The following ERGIC1 variants were observed in gnomAD, a reference collection of about 807,000 sequenced individuals.
The protein encoded by ERGIC1 is endoplasmic reticulum-golgi intermediate compartment 1.
A neutral mutation model predicts 38.3 loss-of-function variants in ERGIC1; 19 were observed. That is an observed-to-expected ratio of 0.50 (90% confidence interval 0.35 to 0.73). ERGIC1 has a LOEUF of 0.73. Among genes scored for constraint, ERGIC1 ranks in the 30% least tolerant of loss-of-function variants. The pLI, the probability that ERGIC1 is intolerant of heterozygous loss-of-function variation, is 0.01. For missense variants in ERGIC1, 294 were observed against 389.2 expected (o/e 0.76, Z 2.06); for synonymous variants, 124 against 157.6 (o/e 0.79, Z 1.60).
intron 1 of ERGIC1, among the ~76,000 whole-genome samples, chr5:172,835,686 A>G (rs954547428): frequency 6.6e-6 from 1 of 152,234 alleles, no homozygotes; most frequent in Admixed American, 6.5e-5. Flanking sequence ...TGACCCCCAT[A>G]GCATGGGATA....
chr5:172,950,780 G>A lies in ERGIC1; in HGVS notation c.837G>A (p.Glu279=). ...ILDSCIFTAS[E]AWKKIQLGKM... ...ACTCATGCATCTTCACAGCCTCTGAGGCCTGGAAGAAGATCCAGCTGGGCA... is the reference window on the plus strand; with the variant it reads ...ACTCATGCATCTTCACAGCCTCTGAAGCCTGGAAGAAGATCCAGCTGGGCA... The change falls in exon 10 of 10, where the codon GAG becomes GAA. Residue 279 remains glutamate, a synonymous_variant. Transcript: ENST00000393784. The A allele has an allele frequency of 1.9e-6, 3 of 1,612,604 alleles. No homozygotes were observed. The highest frequency in any genetic ancestry group is 2.5e-6 in the Non-Finnish European group (3 of 1,178,898).
At chr5:172,918,881 G>A (rs1448896101) in intron 5 of ERGIC1, among the ~76,000 whole-genome samples, 1 of 152,144 alleles carries the variant, frequency 6.6e-6, no homozygotes, top group Non-Finnish European at 1.5e-5. Context: ...CAGCTGATGT[G>A]GGTCCCTCAG....
intron 3 of ERGIC1, among the ~76,000 whole-genome samples, chr5:172,908,348 G>GGGGAGAGAGGGGA (rs1763105158): frequency 1.0e-5 from 1 of 99,390 alleles, no homozygotes; most frequent in Non-Finnish European, 2.1e-5. Flanking sequence ...GGGGGAGGGG[G>GGGGAGAGAGGGGA]GGGGTGGATC....
chr5:172,866,118 A>G (rs1057482128), intron 1 of ERGIC1, among the ~76,000 whole-genome samples: 4 of 152,208 alleles, frequency 2.6e-5, no homozygotes, highest in African/African-American at 4.8e-5. Context: ...GCCGAGTCCA[A>G]TTAAATTTTA....
At chr5:172,839,432 T>C (rs1184980149) in intron 1 of ERGIC1, among the ~76,000 whole-genome samples, 1 of 151,408 alleles carries the variant, frequency 6.6e-6, no homozygotes, top group Non-Finnish European at 1.5e-5. Flanking sequence ...GGTGTGGTGA[T>C]GTGCGTCTGT....
chr5:172,935,297 G>A lies in ERGIC1; in HGVS notation c.752G>A (p.Arg251Lys), dbSNP rs768679223. The change falls in exon 9 of 10, where the codon AGA becomes AAA. Residue 251 changes from arginine (R) to lysine (K), a missense_variant. Around this residue, in one of 3 missense-constraint regions of ERGIC1, gnomAD observed 109 missense variants for 112.7 expected, o/e 0.97. Transcript: ENST00000393784. ...ACAGAGAGACGGCAGCCGCTGTACAGATTCATCACCACGGTGAGTGGCCTG... is the reference window on the plus strand; with the variant it reads ...ACAGAGAGACGGCAGCCGCTGTACAAATTCATCACCACGGTGAGTGGCCTG... ...KYTERRQPLY[R>K]FITTICAIIG... The A allele has an allele frequency of 3.7e-6, 6 of 1,614,128 alleles. No individual in the cohort carries two copies. Among genetic ancestry groups the A allele is most frequent in the Non-Finnish European group, 5.1e-6 (6 of 1,180,038 alleles).
At chr5:172,892,698 C>T (rs1183375601) in intron 2 of ERGIC1, among the ~76,000 whole-genome samples, 3 of 152,172 alleles carry the variant, frequency 2.0e-5, no homozygotes, top group Non-Finnish European at 4.4e-5. Flanking sequence ...ATCAGAAGGC[C>T]TTTCTGGTTG....
At chr5:172,916,530 C>T (rs1265444287) in intron 5 of ERGIC1, 1 of 152,202 alleles carries the variant, frequency 6.6e-6, no homozygotes, top group African/African-American at 2.4e-5. Flanking sequence ...TAAATTAATT[C>T]AAATTAAATG....
chr5:172,948,025 C>T (rs1035735391), intron 9 of ERGIC1, among the ~76,000 whole-genome samples: 4 of 152,114 alleles, frequency 2.6e-5, no homozygotes, highest in Non-Finnish European at 4.4e-5. Context: ...TCCACTCTAC[C>T]GAAATAAACC....
At chr5:172,906,833 T>C (rs1214148847) in intron 3 of ERGIC1, among the ~76,000 whole-genome samples, 1 of 152,130 alleles carries the variant, frequency 6.6e-6, no homozygotes, top group Non-Finnish European at 1.5e-5. Context: ...TGGTTCCCTC[T>C]GGGTGGGGGG....
chr5:172,926,248 T>A lies in ERGIC1; in HGVS notation c.481-261T>A, dbSNP rs1455928025. ...TCTGTAAAATGGGCCCAATAATACA[T>A]CATTAGGGGCATGAAATGAAATTAT... is the stretch of plus-strand genomic sequence containing the variant. On this transcript the variant is annotated intron_variant, in intron 6 of 9. Coordinates refer to ENST00000393784, the MANE Select transcript of ERGIC1 (RefSeq NM_001031711.3). The surrounding 1 kb of genome is among the most constrained non-coding windows in gnomAD (Gnocchi z 5.2). Among the ~76,000 whole-genome samples the A allele has an allele frequency of 6.6e-6, 1 of 152,100 alleles. No individual in the cohort carries two copies. The highest frequency in any genetic ancestry group is 1.5e-5 in the Non-Finnish European group (1 of 68,016).
Position 172,926,669 on chromosome 5 carries a change from A to G in ERGIC1, c.541+100A>G. 3.8e-6 allele frequency: 5 copies of G among 1,319,142 alleles called. No homozygotes were observed. The highest frequency in any genetic ancestry group is 5.4e-6 in the Non-Finnish European group (5 of 929,446). The allele number at this position is 1,319,142 out of a possible 1,614,324, so 81.7% of individuals were successfully genotyped here. On this transcript the variant is annotated intron_variant, in intron 7 of 9. Transcript: ENST00000393784. The surrounding 1 kb of genome is among the most constrained non-coding windows in gnomAD (Gnocchi z 5.2). The stretch of plus-strand genomic sequence containing the variant: ...AGGTGGGGGTGCCTGTCCAGCACCC[A>G]CTCCAAGGCAGGGAGGCTGCTGCTC...
chr5:172,839,069 C>G (rs1302772275), intron 1 of ERGIC1, among the ~76,000 whole-genome samples: 1 of 151,186 alleles, frequency 6.6e-6, no homozygotes, highest in African/African-American at 2.4e-5. Flanking sequence ...GGTGAAACCC[C>G]GTCTCTAATA....
intron 2 of ERGIC1, among the ~76,000 whole-genome samples, chr5:172,890,033 T>C (rs940540559): frequency 4.6e-5 from 7 of 152,126 alleles, no homozygotes. Context: ...TTTCAAAGAA[T>C]AGAGAATGGG....
chr5:172,846,649 A>G lies in ERGIC1; in HGVS notation c.20+12216A>G, dbSNP rs181777855. 2.6e-5 allele frequency among the ~76,000 whole-genome samples: 4 copies of G among 152,332 alleles called. No individual in the cohort carries two copies. The East Asian group carries it at 7.7e-4, about 29-fold the overall frequency. On this transcript the variant is annotated intron_variant, in intron 1 of 9. Transcript: ENST00000393784. The surrounding 1 kb of genome is among the most constrained non-coding windows in gnomAD (Gnocchi z 4.0). ...AGGGCTATAGGAACCATGTCATAAG[A>G]GTAACCTTCAAAGGAATAGGAAGGT...
intron 9 of ERGIC1, chr5:172,935,792 A>G (rs1435335620): frequency 6.2e-6 from 1 of 160,954 alleles, no homozygotes; most frequent in African/African-American, 2.4e-5. Context: ...TCTCTACCAC[A>G]TCCAGTTTTC....
At chr5:172,935,021 GC>G in intron 8 of ERGIC1, 166 bp from the exon 9 acceptor site, 2 of 969,764 alleles carry the variant, frequency 2.1e-6, no homozygotes, top group South Asian at 2.9e-5. Context: ...AGAGTTCAGG[GC>G]CTCCAGGGGA....
intron 1 of ERGIC1, among the ~76,000 whole-genome samples, chr5:172,862,192 T>C (rs894810167): frequency 6.0e-5 from 9 of 150,340 alleles, no homozygotes; most frequent in African/African-American, 2.2e-4. Flanking sequence ...GGTTTCACCA[T>C]GTTGGCCAGG....
chr5:172,835,811 G>T (rs188166922), intron 1 of ERGIC1, among the ~76,000 whole-genome samples: 65 of 152,292 alleles, frequency 4.3e-4, no homozygotes, highest in African/African-American at 1.3e-3. Context: ...CCGGCTTCTT[G>T]CCCCTGCCGG....
Sources: gnomAD v4.1 joint callset for allele counts (sites outside exome capture counted in the v4.1 genomes callset) on GRCh38, gnomAD v4.1.1 for gene constraint, gnomAD v4.1.1 regional missense constraint, Gnocchi (gnomAD v3.1) non-coding constraint, MANE v1.5 for transcripts, NCBI Gene and HGNC (gene_info 2026-07-23, HGNC 2026-07-21) for gene names.